Variants in PTPN3 observed in about 807,000 individuals in gnomAD.
PTPN3 encodes protein tyrosine phosphatase non-receptor type 3, also known as tyrosine-protein phosphatase non-receptor type 3.
PTPN3 carries 96 observed loss-of-function variants against 132.7 expected under a neutral mutation model. That is an observed-to-expected ratio of 0.72 (90% confidence interval 0.61 to 0.86). PTPN3 has a LOEUF of 0.86. Among genes scored for constraint, PTPN3 ranks in the 40% least tolerant of loss-of-function variants. The pLI is 0.00. For synonymous variants in PTPN3, 398 were observed against 429.0 expected, an observed-to-expected ratio of 0.93 and a Z score of 0.89; for missense variants, 1,125 against 1,159.6, an observed-to-expected ratio of 0.97 and a Z score of 0.43.
intron 14 of PTPN3, among the ~76,000 whole-genome samples, chr9:109,412,401 G>T (rs1367157159): frequency 1.3e-5 from 2 of 149,440 alleles, no homozygotes; most frequent in Non-Finnish European, 3.0e-5. Flanking sequence ...TTGAGTCAAA[G>T]TCTCGCTCTG....
upstream of PTPN3, among the ~76,000 whole-genome samples, chr9:109,500,905 A>G (rs529138045): frequency 1.9e-4 from 29 of 149,514 alleles, 1 homozygote; most frequent in African/African-American, 6.4e-4. Flanking sequence ...TTCAGCCTGT[A>G]TGACAGAGCG....
At chr9:109,406,242 G>A (rs906278396) in intron 18 of PTPN3, among the ~76,000 whole-genome samples, 1 of 152,176 alleles carries the variant, frequency 6.6e-6, no homozygotes, top group African/African-American at 2.4e-5. Flanking sequence ...CAGGGGCGCT[G>A]TCTCCCCCCA....
At chr9:109,430,570 G>A (rs1843587064) in intron 10 of PTPN3, among the ~76,000 whole-genome samples, 3 of 152,134 alleles carry the variant, frequency 2.0e-5, no homozygotes, top group Non-Finnish European at 2.9e-5. Context: ...GAGAGCCTAG[G>A]ATGTACAAAG....
At chr9:109,500,931 T>TAA (rs1193698517), upstream of PTPN3, among the ~76,000 whole-genome samples, 7 of 115,552 alleles carry the variant, frequency 6.1e-5, no homozygotes, top group Admixed American at 1.7e-4. Flanking sequence ...CTGTCTCAAA[T>TAA]AAAAAAAAAA....
At chr9:109,537,201 A>C in the PTPN3 span, among the ~76,000 whole-genome samples, 1 of 152,234 alleles carries the variant, frequency 6.6e-6, no homozygotes, top group Admixed American at 6.5e-5. Context: ...TCCAAGTAAT[A>C]GAGGGGTCCT....
At chr9:109,520,926 C>A in the PTPN3 span, among the ~76,000 whole-genome samples, 1 of 152,136 alleles carries the variant, frequency 6.6e-6, no homozygotes, top group African/African-American at 2.4e-5. Flanking sequence ...CCCAGTACCA[C>A]CTGTTATTAG....
chr9:109,448,386 C>A (rs1424929975), intron 6 of PTPN3, among the ~76,000 whole-genome samples: 1 of 152,166 alleles, frequency 6.6e-6, no homozygotes, highest in East Asian at 1.9e-4. Context: ...CTTGGTAACA[C>A]AAGAAGCACT....
intron 19 of PTPN3, among the ~76,000 whole-genome samples, chr9:109,398,227 G>A (rs905130910): frequency 2.6e-5 from 4 of 152,202 alleles, no homozygotes; most frequent in South Asian, 2.1e-4. Context: ...AGGCTGCAGT[G>A]AGCCAAGATC....
At chr9:109,524,824 G>T in the PTPN3 span, among the ~76,000 whole-genome samples, 1 of 151,940 alleles carries the variant, frequency 6.6e-6, no homozygotes, top group Non-Finnish European at 1.5e-5. Context: ...TGCAACCTTT[G>T]CCTCCCTGAT....
chr9:109,471,037 G>T (rs1217030542), intron 1 of PTPN3, among the ~76,000 whole-genome samples: 3 of 151,236 alleles, frequency 2.0e-5, no homozygotes, highest in Non-Finnish European at 4.4e-5. Flanking sequence ...GGATTCAATT[G>T]TTAACATTTT....
rs998601194 is a variant in PTPN3, at chr9:109,450,021, C to T, written c.369-1166G>A. The T allele has an allele frequency of 9.5e-5, 93 of 983,146 alleles. 1 individual carries two copies. In the African/African-American group the frequency reaches 1.6e-3, roughly 16 times the overall value. The allele number at this position is 983,146 out of a possible 1,614,324, so 60.9% of individuals were successfully genotyped here. A position where few individuals can be genotyped will look rare whatever the true frequency, so the allele number is the denominator to read the frequency against. On this transcript the variant is annotated intron_variant, in intron 5 of 25. Coordinates refer to ENST00000374541, the MANE Select transcript of PTPN3 (RefSeq NM_002829.4). ...ATTTTTACAGATGACAAAATCGGAG[C>T]TCAGATAGGATATGTGAGGTCAATT... is the stretch of plus-strand genomic sequence containing the variant.
intron 1 of PTPN3, among the ~76,000 whole-genome samples, chr9:109,475,187 C>T (rs1846595711): frequency 6.6e-6 from 1 of 152,126 alleles, no homozygotes; most frequent in Non-Finnish European, 1.5e-5. Flanking sequence ...GTGAGAAGGC[C>T]TCAGAGGGCA....
chr9:109,462,833 G>C lies in PTPN3; in HGVS notation c.138+464C>G, dbSNP rs66537168. 2.6e-5 allele frequency among the ~76,000 whole-genome samples: 4 copies of C among 151,900 alleles called. No homozygotes were observed. In the East Asian group the frequency reaches 7.9e-4, roughly 30 times the overall value. On this transcript the variant is annotated intron_variant, in intron 2 of 25. Coordinates refer to ENST00000374541, the MANE Select transcript of PTPN3 (RefSeq NM_002829.4). ...GTGTGCCCAGCTTTGTGCCAGGCACGGGGGAAACAACACCCTTTCTATTCT... is the reference window on the plus strand; with the variant it reads ...GTGTGCCCAGCTTTGTGCCAGGCACCGGGGAAACAACACCCTTTCTATTCT...
chr9:109,489,855 T>C (rs996584430), intron 1 of PTPN3, among the ~76,000 whole-genome samples: 1 of 152,024 alleles, frequency 6.6e-6, no homozygotes, highest in East Asian at 1.9e-4. Flanking sequence ...AATAGCAGGA[T>C]TCAAACCTGT....
chr9:109,498,774 C>G (rs1422236939), upstream of PTPN3, among the ~76,000 whole-genome samples: 3 of 152,168 alleles, frequency 2.0e-5, no homozygotes, highest in South Asian at 4.1e-4. This position sits in a 1 kb window ranked among gnomAD's most constrained non-coding sequence, Gnocchi z 4.2. Context: ...TTCCCACCTC[C>G]GTCTCATCTC....
At chr9:109,436,995 G>C (rs968264087) in intron 8 of PTPN3, 25 bp from the exon 9 acceptor site, 2 of 1,612,800 alleles carry the variant, frequency 1.2e-6, no homozygotes, top group Non-Finnish European at 1.7e-6. Context: ...ACAAAAAGCA[G>C]AGTTCATCCA....
At chr9:109,424,362 T>G (rs117187655) in intron 12 of PTPN3, among the ~76,000 whole-genome samples, 2 of 152,118 alleles carry the variant, frequency 1.3e-5, no homozygotes, top group Non-Finnish European at 2.9e-5. Flanking sequence ...CTGGCACAGG[T>G]AGTAAAAGAA....
chr9:109,444,893 T>C (rs1161397122), intron 7 of PTPN3, among the ~76,000 whole-genome samples: 1 of 152,204 alleles, frequency 6.6e-6, no homozygotes, highest in African/African-American at 2.4e-5. Context: ...GATACAAATA[T>C]TTGTCCCACT....
chr9:109,519,824 T>C, the PTPN3 span, among the ~76,000 whole-genome samples: 1 of 152,190 alleles, frequency 6.6e-6, no homozygotes, highest in African/African-American at 2.4e-5. Flanking sequence ...GTGTGAACAA[T>C]GCCCAGTTTG....
Sources: gnomAD v4.1 joint callset for allele counts (sites outside exome capture counted in the v4.1 genomes callset) on GRCh38, gnomAD v4.1.1 for gene constraint, Gnocchi (gnomAD v3.1) non-coding constraint, MANE v1.5 for transcripts, NCBI Gene and HGNC (gene_info 2026-07-23, HGNC 2026-07-21) for gene names.